FANCM: variants seen among roughly 807,000 people sequenced by gnomAD.
FANCM encodes FA complementation group M.
Under a neutral mutation model 199.5 loss-of-function variants are expected in FANCM, and 140 were observed. That is an observed-to-expected ratio of 0.70 (90% CI 0.61 to 0.81). The LOEUF is 0.81. FANCM is among the 30% of genes least tolerant of loss of function. FANCM has a pLI of 0.00. For missense variants in FANCM, 2,410 were observed against 2,421.4 expected (o/e 1.00, Z 0.10); for synonymous variants, 840 against 836.8 (o/e 1.00, Z -0.07).
intron 3 of FANCM, among the ~76,000 whole-genome samples, chr14:45,148,079 C>T (rs1886547156): frequency 6.6e-6 from 1 of 151,994 alleles, no homozygotes; most frequent in East Asian, 1.9e-4. Context: ...CGCCTGTAAT[C>T]CCAGCTACTG....
chr14:45,149,281 A>G (rs889876052), intron 4 of FANCM, among the ~76,000 whole-genome samples: 1 of 148,486 alleles, frequency 6.7e-6, no homozygotes, highest in Non-Finnish European at 1.5e-5. Context: ...GGAATATAGA[A>G]CATGCACACA....
At chr14:45,156,916 C>CAAAAAAAA (rs535786477) in intron 8 of FANCM, among the ~76,000 whole-genome samples, 2 of 47,674 alleles carry the variant, frequency 4.2e-5, no homozygotes, top group African/African-American at 7.0e-5. Context: ...GACTCTGTCT[C>CAAAAAAAA]AAAAAAAAAA....
intron 9 of FANCM, among the ~76,000 whole-genome samples, chr14:45,162,361 C>T (rs1887666765): frequency 6.6e-6 from 1 of 152,170 alleles, no homozygotes; most frequent in Non-Finnish European, 1.5e-5. Context: ...CAGATTAATG[C>T]TTTTCAAACT....
rs765275634 is a variant in FANCM at position 45,136,148 on chromosome 14, G to A, written c.117G>A (p.Lys39=). Residue 39 remains lysine, a synonymous_variant, in exon 1 of 23, where the codon AAG becomes AAA. Coordinates refer to ENST00000267430, the MANE Select transcript of FANCM (RefSeq NM_020937.4). ...TERPQSPGSS[K]APLPAAAEAQ... ...GACCTCAGAGCCCTGGCAGCTCCAAGGCGCCTTTGCCAGCAGCAGCGGAGG... is the reference window on the plus strand; with the variant it reads ...GACCTCAGAGCCCTGGCAGCTCCAAAGCGCCTTTGCCAGCAGCAGCGGAGG... 2 of 1,614,192 alleles carry A rather than the reference G, an allele frequency of 1.2e-6. No homozygotes were observed. Among genetic ancestry groups the A allele is most frequent in the East Asian group, 2.2e-5 (1 of 44,884 alleles).
At chr14:45,173,643 A>G (rs571788117) in intron 13 of FANCM, among the ~76,000 whole-genome samples, 16 of 152,296 alleles carry the variant, frequency 1.1e-4, no homozygotes, top group Non-Finnish European at 2.4e-4. Context: ...TGTGAAATCC[A>G]TAGTGCCTGG....
Position 45,137,469 on chromosome 14 carries a change from CT to C in FANCM, c.681+229del, listed in dbSNP as rs1885605631. 3 of 530,084 alleles carry C rather than the reference CT, an allele frequency of 5.7e-6. No individual in the cohort carries two copies. The East Asian group carries it at 1.0e-4, about 18-fold the overall frequency. 32.8% of individuals were successfully genotyped at this position (530,084 alleles called of 1,614,324 possible). A position where few individuals can be genotyped will look rare whatever the true frequency, so the allele number is the denominator to read the frequency against. The stretch of plus-strand genomic sequence containing the variant: ...ATTGTTGTTTTCTTTTTCTTTTCTT[CT>C]ATTTTAAGACTAACCAGATAATTAG... On this transcript the variant is annotated intron_variant, in intron 2 of 22. Transcript: ENST00000267430.
chr14:45,188,461 G>T lies in FANCM; in HGVS notation c.4780-341G>T, dbSNP rs1889548559. 2.0e-5 allele frequency among the ~76,000 whole-genome samples: 3 copies of T among 152,048 alleles called. 1 individual carries two copies. In the South Asian group the frequency reaches 6.2e-4, roughly 32 times the overall value. ...TATGGATAACATTTTCATATTAGTT[G>T]TGTTTGTTTATAAATTGCCATGTTC... On this transcript the variant is annotated intron_variant, in intron 19 of 22. Coordinates refer to ENST00000267430, the MANE Select transcript of FANCM (RefSeq NM_020937.4).
At chr14:45,151,367 G>C (rs1212686466) in intron 4 of FANCM, 30 bp from the exon 5 acceptor site, 5 of 1,604,938 alleles carry the variant, frequency 3.1e-6, no homozygotes, top group Non-Finnish European at 4.3e-6. Flanking sequence ...TTTAGAGCAA[G>C]CTTAAACTAG....
At chr14:45,147,511 G>A (rs1444823326) in intron 3 of FANCM, among the ~76,000 whole-genome samples, 1 of 151,942 alleles carries the variant, frequency 6.6e-6, no homozygotes, top group Admixed American at 6.6e-5. Flanking sequence ...TCAAATTCCT[G>A]GCTTCAAGCA....
chr14:45,144,569 TTCTCAC>T (rs1041574125), intron 3 of FANCM, among the ~76,000 whole-genome samples: 2 of 152,188 alleles, frequency 1.3e-5, no homozygotes, highest in African/African-American at 2.4e-5. Context: ...GATGAAGTCC[TTCTCAC>T]TCTTTCTTTC....
intron 4 of FANCM, 59 bp from the exon 5 acceptor site, chr14:45,151,338 A>T: frequency 7.2e-7 from 1 of 1,395,908 alleles, no homozygotes; most frequent in Non-Finnish European, 1.0e-6. Context: ...TGAGAAAATG[A>T]TTGTACTTGA....
intron 16 of FANCM, among the ~76,000 whole-genome samples, chr14:45,183,531 T>C (rs1380152624): frequency 2.0e-5 from 3 of 152,208 alleles, no homozygotes; most frequent in African/African-American, 7.2e-5. Flanking sequence ...ACTAAAAGTA[T>C]GTTTTCATCA....
intron 10 of FANCM, among the ~76,000 whole-genome samples, chr14:45,165,740 C>T (rs1161794679): frequency 6.6e-6 from 1 of 152,070 alleles, no homozygotes; most frequent in Non-Finnish European, 1.5e-5. Flanking sequence ...GAATTGGGTT[C>T]TAATTGTATT....
intron 14 of FANCM, among the ~76,000 whole-genome samples, chr14:45,177,879 A>G (rs1216041869): frequency 6.6e-6 from 1 of 152,226 alleles, no homozygotes; most frequent in Non-Finnish European, 1.5e-5. Context: ...TTTGAGAAAT[A>G]AAAACTGTAT....
At chr14:45,144,136 G>C (rs1886187327) in intron 3 of FANCM, among the ~76,000 whole-genome samples, 1 of 151,882 alleles carries the variant, frequency 6.6e-6, no homozygotes, top group African/African-American at 2.4e-5. Context: ...AATCACATCA[G>C]GCTAATGGGG....
chr14:45,136,653 A>G, intron 1 of FANCM, 114 bp downstream of exon 1: 1 of 1,030,094 alleles, frequency 9.7e-7, no homozygotes, highest in Non-Finnish European at 1.5e-6. Flanking sequence ...AACATTCTCT[A>G]CTTGCAGCAA....
At chr14:45,155,650 T>C (rs1372723049) in intron 8 of FANCM, among the ~76,000 whole-genome samples, 191 bp downstream of exon 8, 1 of 152,036 alleles carries the variant, frequency 6.6e-6, no homozygotes, top group Non-Finnish European at 1.5e-5. Context: ...AATGCAAAAA[T>C]TAGCCAGGCA....
At chr14:45,168,235 G>GT (rs1305466234) in intron 11 of FANCM, among the ~76,000 whole-genome samples, 2 of 151,930 alleles carry the variant, frequency 1.3e-5, no homozygotes, top group Admixed American at 1.3e-4. Context: ...GTCAATCAAT[G>GT]TTTTTTTGGC....
intron 10 of FANCM, among the ~76,000 whole-genome samples, chr14:45,166,104 T>G (rs1053796075): frequency 6.6e-6 from 1 of 150,990 alleles, no homozygotes; most frequent in Non-Finnish European, 1.5e-5. Flanking sequence ...GCTTTTGTAA[T>G]AATGGACTTT....
Sources: gnomAD v4.1 joint callset for allele counts (sites outside exome capture counted in the v4.1 genomes callset) on GRCh38, gnomAD v4.1.1 for gene constraint, MANE v1.5 for transcripts, NCBI Gene and HGNC (gene_info 2026-07-23, HGNC 2026-07-21) for gene names.